Variants in NFIB observed in about 807,000 individuals in gnomAD.
NFIB encodes nuclear factor 1 B-type.
NFIB carries 11 observed loss-of-function variants against 61.5 expected under a neutral mutation model. The observed-to-expected ratio is 0.18, with a 90% CI of 0.11 to 0.30. The LOEUF is 0.30. Ranked by LOEUF, NFIB falls within the 10% of genes least tolerant of loss-of-function variation. The pLI is 1.00. For missense variants in NFIB, 471 were observed against 608.9 expected (o/e 0.77, Z 2.38); for synonymous variants, 260 against 216.5 (o/e 1.20, Z -1.76).
intron 1 of NFIB, among the ~76,000 whole-genome samples, chr9:14,377,507 G>A (rs916873118): frequency 7.2e-5 from 11 of 152,270 alleles, no homozygotes; most frequent in African/African-American, 2.4e-4. Context: ...AAGAGCCACC[G>A]TGCCTGGCCT....
chr9:14,097,829 G>A (rs866964483), intron 10 of NFIB, among the ~76,000 whole-genome samples: 1 of 149,016 alleles, frequency 6.7e-6, no homozygotes, highest in Non-Finnish European at 1.5e-5. Context: ...TGGATAAAAT[G>A]AGAGCTATTA....
intron 1 of NFIB, among the ~76,000 whole-genome samples, chr9:14,338,000 C>G (rs2060904187): frequency 6.6e-6 from 1 of 152,204 alleles, no homozygotes; most frequent in Non-Finnish European, 1.5e-5. Context: ...CTTTGTCCCT[C>G]TGTTCCTCGG....
At chr9:14,408,987 G>A in the NFIB span, among the ~76,000 whole-genome samples, 1 of 152,168 alleles carries the variant, frequency 6.6e-6, no homozygotes, top group Admixed American at 6.5e-5. Flanking sequence ...AACCCAGCCA[G>A]TCTGGTTTAA....
chr9:14,164,520 C>A (rs1444339563), intron 3 of NFIB, among the ~76,000 whole-genome samples: 1 of 152,136 alleles, frequency 6.6e-6, no homozygotes, highest in Non-Finnish European at 1.5e-5. Flanking sequence ...TATGGGACCA[C>A]TGCCATATGT....
intron 1 of NFIB, among the ~76,000 whole-genome samples, chr9:14,382,713 T>C (rs187635077): frequency 6.6e-5 from 10 of 152,170 alleles, no homozygotes; most frequent in South Asian, 6.2e-4. Flanking sequence ...AACCAACATG[T>C]GTCTATCAAT....
At position 14,116,261 on chromosome 9, in the gene NFIB, C is replaced by A; in HGVS notation, c.1331G>T (p.Arg444Leu). Residue 444 changes from arginine to leucine, a missense_variant, in exon 9 of 11, where the codon CGA becomes CTA. Arg to Leu is a moderately radical substitution (Grantham distance 102). Around this residue, in one of 2 missense-constraint regions of NFIB, gnomAD observed 372 missense variants for 395.6 expected, o/e 0.94. Transcript: ENST00000380953. ...ATCTGTCATGCTCAGGGTCACAGGTCGCACTGCACTGGGATGGGGAGAGGG... is the reference window on the plus strand; with the variant it reads ...ATCTGTCATGCTCAGGGTCACAGGTAGCACTGCACTGGGATGGGGAGAGGG... ...LAPSPHPSAV[R>L]PVTLSMTDTK... 6.5e-7 allele frequency: 1 copy of A among 1,538,410 alleles called. No individual in the cohort carries two copies.
the NFIB span, among the ~76,000 whole-genome samples, chr9:14,512,802 T>G: frequency 2.0e-5 from 3 of 152,160 alleles, no homozygotes; most frequent in African/African-American, 7.2e-5. Context: ...CTCTGTCACG[T>G]TTTTGAATCA....
At chr9:14,138,856 A>C (rs1162067728) in intron 6 of NFIB, among the ~76,000 whole-genome samples, 5 of 152,048 alleles carry the variant, frequency 3.3e-5, no homozygotes, top group Non-Finnish European at 7.4e-5. Flanking sequence ...TAGTTGAAAA[A>C]ATTTTAATCC....
At chr9:14,212,670 T>TA (rs141176161) in intron 2 of NFIB, among the ~76,000 whole-genome samples, 14,042 of 152,094 alleles carry the variant, frequency 0.092, 2,169 homozygotes, top group African/African-American at 0.32. Context: ...ACTCTACACT[T>TA]ACAATATTTC....
the NFIB span, among the ~76,000 whole-genome samples, chr9:14,462,116 A>T: frequency 6.6e-6 from 1 of 152,208 alleles, no homozygotes; most frequent in Non-Finnish European, 1.5e-5. Flanking sequence ...TAGTTATCTT[A>T]ATATAGGTGT....
At chr9:14,526,340 G>A in the NFIB span, among the ~76,000 whole-genome samples, 1 of 152,172 alleles carries the variant, frequency 6.6e-6, no homozygotes, top group Non-Finnish European at 1.5e-5. Context: ...AGCATGCTTA[G>A]TGTAAGTTGA....
At chr9:14,380,066 A>G (rs1042553876) in intron 1 of NFIB, among the ~76,000 whole-genome samples, 1 of 152,136 alleles carries the variant, frequency 6.6e-6, no homozygotes, top group African/African-American at 2.4e-5. Flanking sequence ...GGCTTCTGCC[A>G]TTACTTCTTA....
At chr9:14,197,898 C>T (rs1185181948) in intron 2 of NFIB, among the ~76,000 whole-genome samples, 1 of 152,082 alleles carries the variant, frequency 6.6e-6, no homozygotes, top group African/African-American at 2.4e-5. Flanking sequence ...AGAAAGACAG[C>T]ATATCTCGAG....
At chr9:14,485,729 G>A in the NFIB span, among the ~76,000 whole-genome samples, 1 of 152,092 alleles carries the variant, frequency 6.6e-6, no homozygotes, top group African/African-American at 2.4e-5. Context: ...ACAAAAGTTA[G>A]TCGGGTGTTG....
At chr9:14,351,417 C>T (rs1283489103) in intron 1 of NFIB, among the ~76,000 whole-genome samples, 2 of 152,142 alleles carry the variant, frequency 1.3e-5, no homozygotes, top group Non-Finnish European at 2.9e-5. Flanking sequence ...TGGCTGTGTC[C>T]GGGCCAGGGA....
the NFIB span, among the ~76,000 whole-genome samples, chr9:14,496,600 A>T: frequency 6.6e-6 from 1 of 152,164 alleles, no homozygotes. Flanking sequence ...TTGTCATTAC[A>T]TTGGGAACCC....
the NFIB span, among the ~76,000 whole-genome samples, chr9:14,460,248 C>T: frequency 2.0e-5 from 3 of 151,996 alleles, no homozygotes; most frequent in African/African-American, 7.3e-5. Flanking sequence ...AACCATGATT[C>T]TCAGCAAACT....
chr9:14,442,271 G>A, the NFIB span, among the ~76,000 whole-genome samples: 1 of 152,110 alleles, frequency 6.6e-6, no homozygotes, highest in Non-Finnish European at 1.5e-5. Context: ...TAAAATTTCT[G>A]TCTCCTGTGT....
At chr9:14,516,344 T>C in the NFIB span, among the ~76,000 whole-genome samples, 1 of 152,224 alleles carries the variant, frequency 6.6e-6, no homozygotes, top group South Asian at 2.1e-4. Context: ...GGATTTCCCC[T>C]TTATTTGGGA....
Sources: gnomAD v4.1 joint callset for allele counts (sites outside exome capture counted in the v4.1 genomes callset) on GRCh38, gnomAD v4.1.1 for gene constraint, gnomAD v4.1.1 regional missense constraint, MANE v1.5 for transcripts, NCBI Gene and HGNC (gene_info 2026-07-23, HGNC 2026-07-21) for gene names.